Variants in FAM53A observed in about 807,000 individuals in gnomAD.
FAM53A encodes the protein family with sequence similarity 53 member A, also known as protein FAM53A.
Under a neutral mutation model 26.6 loss-of-function variants are expected in FAM53A, and 28 were observed. That is an observed-to-expected ratio of 1.05 (90% CI 0.78 to 1.45). The LOEUF (loss-of-function observed/expected upper bound fraction) is 1.45, where lower values mean the gene tolerates loss of function less well. Ranked by LOEUF, FAM53A falls within the 40% of genes most tolerant of loss-of-function variation. The pLI is 0.00. For missense variants in FAM53A, 650 were observed against 575.8 expected, an observed-to-expected ratio of 1.13 and a Z score of -1.32; for synonymous variants, 290 against 253.1, an observed-to-expected ratio of 1.15 and a Z score of -1.38.
chr4:1,651,144 G>A (rs1018440968), intron 4 of FAM53A, among the ~76,000 whole-genome samples: 1 of 150,886 alleles, frequency 6.6e-6, no homozygotes, highest in Non-Finnish European at 1.5e-5. Context: ...TTGGACCCAG[G>A]AGGCAGAGGT....
chr4:1,659,622 G>C lies in FAM53A; in HGVS notation c.76-2154C>G, dbSNP rs1187534089. On this transcript the variant is annotated intron_variant, in intron 2 of 4. Transcript: ENST00000308132. This position sits in a 1 kb window ranked among gnomAD's most constrained non-coding sequence, Gnocchi z 5.2. ...TGGGTGCAGCAGACAAACAGAGCCA[G>C]GGTCCCCGGGAGACAGGAAAGGCTG... Among the ~76,000 whole-genome samples, 1 of 152,156 alleles carries C rather than the reference G, an allele frequency of 6.6e-6. No individual in the cohort carries two copies. Among genetic ancestry groups the C allele is most frequent in the East Asian group, 1.9e-4 (1 of 5,190 alleles).
intron 1 of FAM53A, among the ~76,000 whole-genome samples, chr4:1,619,320 G>C (rs1344227427): frequency 6.6e-6 from 1 of 152,230 alleles, no homozygotes; most frequent in East Asian, 1.9e-4. Context: ...CGCACTGCCA[G>C]GGCGGCCAAC....
downstream of FAM53A, among the ~76,000 whole-genome samples, chr4:1,613,240 G>A (rs888033697): frequency 2.0e-5 from 3 of 152,216 alleles, no homozygotes; most frequent in African/African-American, 7.2e-5. Context: ...AGGTACTGGG[G>A]GTGGGAAGCC....
At chr4:1,617,345 T>A (rs1176490805), downstream of FAM53A, among the ~76,000 whole-genome samples, 1 of 152,162 alleles carries the variant, frequency 6.6e-6, no homozygotes, top group Admixed American at 6.5e-5. Context: ...ACTTTTTTAG[T>A]TGCTGTTCTA....
chr4:1,642,910 G>T (rs1191505803), intron 4 of FAM53A, among the ~76,000 whole-genome samples: 2 of 152,228 alleles, frequency 1.3e-5, no homozygotes, highest in Non-Finnish European at 2.9e-5. Flanking sequence ...CGCCTGCAGG[G>T]CACAGGGGCG....
At chr4:1,612,615 A>G in the FAM53A span, among the ~76,000 whole-genome samples, 1 of 152,252 alleles carries the variant, frequency 6.6e-6, no homozygotes, top group East Asian at 1.9e-4. Context: ...ATACCTGCAC[A>G]GATGCATACA....
intron 1 of FAM53A, among the ~76,000 whole-genome samples, chr4:1,672,241 G>A (rs186185406): frequency 3.0e-4 from 42 of 140,522 alleles, no homozygotes; most frequent in South Asian, 1.2e-3. Flanking sequence ...ACCCAGGAAC[G>A]CACGGACCCA....
chr4:1,599,322 G>C, the FAM53A span, among the ~76,000 whole-genome samples: 4 of 152,128 alleles, frequency 2.6e-5, no homozygotes, highest in African/African-American at 9.7e-5. The surrounding 1 kb of genome is among the most constrained non-coding windows in gnomAD (Gnocchi z 6.1). Flanking sequence ...AACTCCGCCC[G>C]GTACTTGGCC....
At chr4:1,604,150 G>C in the FAM53A span, among the ~76,000 whole-genome samples, 15 of 152,230 alleles carry the variant, frequency 9.9e-5, no homozygotes, top group African/African-American at 3.6e-4. Flanking sequence ...CCGAGGAAAG[G>C]TTCTGCCCCC....
At chr4:1,661,897 C>T (rs1341934322) in intron 2 of FAM53A, among the ~76,000 whole-genome samples, 1 of 152,088 alleles carries the variant, frequency 6.6e-6, no homozygotes. Flanking sequence ...CTCTTGGTGG[C>T]GCAGAGGAAC....
At chr4:1,613,166 G>C (rs1714687978), downstream of FAM53A, among the ~76,000 whole-genome samples, 1 of 152,234 alleles carries the variant, frequency 6.6e-6, no homozygotes, top group Non-Finnish European at 1.5e-5. Context: ...GCCAACTCTT[G>C]CCTTAGTCCC....
the FAM53A span, among the ~76,000 whole-genome samples, chr4:1,609,958 CAAT>C: frequency 1.3e-5 from 2 of 151,926 alleles, no homozygotes; most frequent in Non-Finnish European, 2.9e-5. Flanking sequence ...GACTTTGTCT[CAAT>C]AAATAAATAA....
At chr4:1,605,609 G>C in the FAM53A span, among the ~76,000 whole-genome samples, 1 of 147,432 alleles carries the variant, frequency 6.8e-6, no homozygotes, top group Non-Finnish European at 1.5e-5. The surrounding 1 kb of genome is among the most constrained non-coding windows in gnomAD (Gnocchi z 5.7). Context: ...TGCGGGTCCA[G>C]GTGTGGACGC....
chr4:1,646,332 C>T (rs1712244831), intron 4 of FAM53A, among the ~76,000 whole-genome samples: 1 of 149,988 alleles, frequency 6.7e-6, no homozygotes, highest in South Asian at 2.1e-4. Flanking sequence ...ATCTCCTGAC[C>T]TCATGATCTG....
chr4:1,657,770 T>A (rs1039215303), intron 2 of FAM53A, among the ~76,000 whole-genome samples: 1 of 151,834 alleles, frequency 6.6e-6, no homozygotes. Flanking sequence ...CCCAAGTAGC[T>A]GGGACTACAG....
At chr4:1,635,898 C>G (rs1285569005), downstream of FAM53A, among the ~76,000 whole-genome samples, 1 of 128,806 alleles carries the variant, frequency 7.8e-6, no homozygotes, top group African/African-American at 3.1e-5. Flanking sequence ...GGCTGGAGTG[C>G]AGTGGCGCGA....
the FAM53A span, among the ~76,000 whole-genome samples, chr4:1,604,660 C>G: frequency 6.6e-6 from 1 of 152,172 alleles, no homozygotes; most frequent in Non-Finnish European, 1.5e-5. Context: ...GACTGCACTG[C>G]CCACTTCCTC....
the FAM53A span, among the ~76,000 whole-genome samples, chr4:1,576,564 G>C: frequency 6.6e-6 from 1 of 152,260 alleles, no homozygotes; most frequent in Non-Finnish European, 1.5e-5. Flanking sequence ...AATGAAAGGA[G>C]ATTGGAAAAC....
chr4:1,670,780 C>T (rs992865378), intron 1 of FAM53A, among the ~76,000 whole-genome samples: 2 of 152,200 alleles, frequency 1.3e-5, no homozygotes, highest in African/African-American at 4.8e-5. Context: ...CTAAGGAGCA[C>T]AAATCAGAGC....
Sources: allele counts gnomAD v4.1 joint callset (sites outside exome capture counted in the v4.1 genomes callset), GRCh38; gene constraint gnomAD v4.1.1; non-coding constraint Gnocchi (gnomAD v3.1); transcripts MANE v1.5; gene names NCBI Gene and HGNC (gene_info 2026-07-23, HGNC 2026-07-21).